Variants in MTCH2 observed in about 807,000 individuals in gnomAD.
The protein encoded by MTCH2 is mitochondrial carrier 2, also known as mitochondrial carrier homolog 2.
In MTCH2, 25 loss-of-function variants were observed where a neutral mutation model predicts 50.6. The observed-to-expected ratio is 0.49, with a 90% CI of 0.36 to 0.69. The LOEUF (loss-of-function observed/expected upper bound fraction) is 0.69. MTCH2 is among the 30% of genes least tolerant of loss of function. The pLI, the probability that MTCH2 is intolerant of heterozygous loss-of-function variation, is 0.00. For synonymous variants in MTCH2, 106 were observed against 132.0 expected (o/e 0.80, Z 1.35); for missense variants, 273 against 384.4 (o/e 0.71, Z 2.42).
chr11:47,615,949 C>A (rs1227178381), downstream of MTCH2, among the ~76,000 whole-genome samples: 1 of 151,974 alleles, frequency 6.6e-6, no homozygotes, highest in Non-Finnish European at 1.5e-5. Context: ...CCCAAAGTTC[C>A]AGGAAACCCA....
intron 4 of MTCH2, 39 bp from the exon 5 acceptor site, chr11:47,634,773 T>G (rs1345885790): frequency 4.6e-6 from 6 of 1,307,766 alleles, no homozygotes; most frequent in Non-Finnish European, 5.2e-6. Context: ...ATCTTGATTT[T>G]TTTTTTTTTT....
chr11:47,627,176 C>T (rs1476631607), intron 9 of MTCH2, 49 bp from the exon 10 acceptor site: 1 of 1,282,748 alleles, frequency 7.8e-7, no homozygotes, highest in Non-Finnish European at 1.1e-6. Flanking sequence ...CACTACAACA[C>T]ATCAATATAT....
chr11:47,625,784 G>C, intron 10 of MTCH2, 43 bp from the exon 11 acceptor site: 4 of 1,505,066 alleles, frequency 2.7e-6, no homozygotes, highest in Non-Finnish European at 3.7e-6. Context: ...ATCATTCCTA[G>C]TCTTTATTCT....
chr11:47,636,645 T>G (rs914349332), intron 3 of MTCH2, among the ~76,000 whole-genome samples: 1 of 151,776 alleles, frequency 6.6e-6, no homozygotes, highest in South Asian at 2.1e-4. Context: ...GGCAGGAGAA[T>G]TGCTTGAACC....
chr11:47,615,880 T>C (rs1356363990), downstream of MTCH2, among the ~76,000 whole-genome samples: 2 of 152,040 alleles, frequency 1.3e-5, no homozygotes, highest in African/African-American at 2.4e-5. Context: ...CGCCTCGGCC[T>C]CCCAAATTGC....
chr11:47,620,328 G>A (rs889665430), intron 12 of MTCH2, among the ~76,000 whole-genome samples: 1 of 151,836 alleles, frequency 6.6e-6, no homozygotes, highest in Non-Finnish European at 1.5e-5. Context: ...AATGAGCTGG[G>A]CTTAGCGGTA....
chr11:47,627,146 CTTAAA>C lies in MTCH2; in HGVS notation c.634-24_634-20del. Reference sequence around the variant, plus strand: ...TAGAAACCTAAAATAGGAAAAGAGCCTTAAATTAATTACCTACAACACTACAACAC... The same window carrying C: ...TAGAAACCTAAAATAGGAAAAGAGCCTTAATTACCTACAACACTACAACAC... On this transcript the variant is annotated intron_variant, in intron 9 of 12. Coordinates refer to ENST00000302503, the MANE Select transcript of MTCH2 (RefSeq NM_014342.4). 6.5e-7 allele frequency: 1 copy of C among 1,547,854 alleles called. No individual in the cohort carries two copies. Among genetic ancestry groups the C allele is most frequent in the Non-Finnish European group, 8.9e-7 (1 of 1,128,330 alleles).
rs1431372113 is a variant in MTCH2, at chr11:47,635,334, G to A, written c.306+211C>T. 2.6e-5 allele frequency among the ~76,000 whole-genome samples: 4 copies of A among 150,996 alleles called. No homozygotes were observed. The East Asian group carries it at 5.8e-4, about 22-fold the overall frequency. ...AAGTGATCCTCCCACCTTGGCCTCC[G>A]AAACTGCTAGGATTACAGGCATGAG... On this transcript the variant is annotated intron_variant, in intron 4 of 12. Transcript: ENST00000302503.
At position 47,625,734 on chromosome 11, in the gene MTCH2, G is replaced by A. The variant is rs774613234; in HGVS notation, c.689C>T (p.Ala230Val). The change falls in exon 11 of 13, where the codon GCG becomes GTG. Residue 230 changes from alanine (A) to valine (V), a missense_variant. Coordinates refer to ENST00000302503, the MANE Select transcript of MTCH2 (RefSeq NM_014342.4). ...SYSQAVTGFF[A>V]SMLTYPFVLV... The stretch of plus-strand genomic sequence containing the variant: ...CACAAAGGGATAGGTCAACATACTC[G>A]CAAAAAACTGTAAAATGGAAACAAG... 1.1e-5 allele frequency: 17 copies of A among 1,611,294 alleles called. No individual in the cohort carries two copies. The highest frequency in any genetic ancestry group is 4.4e-5 in the South Asian group (4 of 90,914).
At chr11:47,638,896 C>A in intron 2 of MTCH2, 71 bp downstream of exon 2, 2 of 1,574,336 alleles carry the variant, frequency 1.3e-6, no homozygotes, top group Middle Eastern at 1.7e-4. Context: ...TATATATTTT[C>A]TTTCAATAAC....
At chr11:47,635,435 C>G (rs1329849797) in intron 4 of MTCH2, 110 bp downstream of exon 4, 4 of 1,240,842 alleles carry the variant, frequency 3.2e-6, no homozygotes, top group Non-Finnish European at 4.7e-6. Context: ...ACAACACTCA[C>G]TGAGATGAAT....
chr11:47,608,934 G>A, the MTCH2 span, among the ~76,000 whole-genome samples: 1 of 146,084 alleles, frequency 6.8e-6, no homozygotes, highest in African/African-American at 2.5e-5. Context: ...CTCCAGCCTG[G>A]GCGACAGAGC....
At chr11:47,615,008 C>G (rs1318964283), downstream of MTCH2, among the ~76,000 whole-genome samples, 3 of 127,236 alleles carry the variant, frequency 2.4e-5, no homozygotes, top group Admixed American at 2.5e-4. Context: ...ACCCCACTAG[C>G]TTTTCTATAA....
At chr11:47,628,617 C>G (rs2097300193) in intron 9 of MTCH2, among the ~76,000 whole-genome samples, 1 of 152,094 alleles carries the variant, frequency 6.6e-6, no homozygotes. Flanking sequence ...TTCTGTCACC[C>G]AGGCTGGAAT....
chr11:47,628,428 C>T (rs1016810201), intron 9 of MTCH2, among the ~76,000 whole-genome samples: 2 of 152,200 alleles, frequency 1.3e-5, no homozygotes, highest in African/African-American at 4.8e-5. Context: ...ATCTTACGGA[C>T]TTTTAACGTG....
Position 47,631,715 on chromosome 11 carries a change from G to T in MTCH2, c.370-4C>A. On this transcript the variant is annotated splice_polypyrimidine_tract_variant and splice_region_variant and intron_variant, in intron 5 of 12. Coordinates refer to ENST00000302503, the MANE Select transcript of MTCH2 (RefSeq NM_014342.4). ...GAGCGATCATCTCTCGAGTTGTCTA[G>T]AAACAATCAACACACACTTCTGAAA... The T allele has an allele frequency of 6.2e-7, 1 of 1,613,942 alleles. No individual in the cohort carries two copies. Among genetic ancestry groups the T allele is most frequent in the Middle Eastern group, 1.6e-4 (1 of 6,062 alleles).
chr11:47,639,189 G>A, intron 1 of MTCH2, 138 bp from the exon 2 acceptor site: 2 of 706,720 alleles, frequency 2.8e-6, no homozygotes, highest in Non-Finnish European at 4.7e-6. Flanking sequence ...CCAAGGCAAT[G>A]ATGAAGCATC....
At chr11:47,608,889 C>T in the MTCH2 span, among the ~76,000 whole-genome samples, 6 of 141,996 alleles carry the variant, frequency 4.2e-5, no homozygotes, top group South Asian at 4.5e-4. Context: ...ACCCGGGAGG[C>T]GGAGCTTGCA....
chr11:47,632,772 T>C (rs2097304342), intron 5 of MTCH2, among the ~76,000 whole-genome samples: 1 of 151,208 alleles, frequency 6.6e-6, no homozygotes, highest in Admixed American at 6.6e-5. Flanking sequence ...GATCTCAGCT[T>C]GCTGCAACCT....
Sources: gnomAD v4.1 joint callset for allele counts (sites outside exome capture counted in the v4.1 genomes callset) on GRCh38, gnomAD v4.1.1 for gene constraint, MANE v1.5 for transcripts, NCBI Gene and HGNC (gene_info 2026-07-23, HGNC 2026-07-21) for gene names.